CSMD1: variants seen among roughly 807,000 people sequenced by gnomAD.
CSMD1 encodes the protein CUB and Sushi multiple domains 1, also known as CUB and sushi domain-containing protein 1.
A neutral mutation model predicts 417.5 loss-of-function variants in CSMD1; 213 were observed. The observed-to-expected ratio is 0.51, with a 90% CI of 0.46 to 0.57. The LOEUF is 0.57. Ranked by LOEUF, CSMD1 falls within the 20% of genes least tolerant of loss-of-function variation. CSMD1 has a pLI of 0.00. For synonymous variants in CSMD1, 2,862 were observed against 1,736.8 expected (o/e 1.65, Z -16.11); for missense variants, 6,923 against 4,529.7 (o/e 1.53, Z -15.17).
rs765773548 is a variant in CSMD1, at chr8:3,308,493, C to G, written c.3642G>C (p.Leu1214=). The change falls in exon 24 of 70, where the codon CTG becomes CTC. Residue 1214 remains leucine (L), a synonymous_variant. Coordinates refer to ENST00000635120, the MANE Select transcript of CSMD1 (RefSeq NM_033225.6). ...GFQLTYTSFD[L]VKCEDPGIPN... ...GGATGCCCGGATCCTCACATTTTAC[C>G]AGATCAAAACCTGCAAGAGAGAAAG... The G allele has an allele frequency of 1.4e-5, 22 of 1,611,644 alleles. No individual in the cohort carries two copies. The Middle Eastern group carries it at 6.6e-4, about 48-fold the overall frequency.
intron 10 of CSMD1, chr8:3,515,467 C>A (rs1387489602): frequency 6.6e-6 from 1 of 151,652 alleles, no homozygotes; most frequent in East Asian, 1.9e-4. Context: ...GGAATACACA[C>A]AATTATTTCC....
chr8:3,148,075 T>C (rs1010551620), intron 40 of CSMD1, among the ~76,000 whole-genome samples: 1 of 152,170 alleles, frequency 6.6e-6, no homozygotes, highest in African/African-American at 2.4e-5. Flanking sequence ...CATTAGGAAA[T>C]AGGGGACCCT....
At chr8:3,983,287 C>T (rs908293125) in intron 5 of CSMD1, among the ~76,000 whole-genome samples, 3 of 152,092 alleles carry the variant, frequency 2.0e-5, no homozygotes, top group East Asian at 1.9e-4. Flanking sequence ...CCCACCACCA[C>T]GCCCGGCTAA....
At chr8:4,116,579 C>A (rs1319398860) in intron 3 of CSMD1, among the ~76,000 whole-genome samples, 3 of 74,206 alleles carry the variant, frequency 4.0e-5, no homozygotes, top group African/African-American at 1.6e-4. Context: ...AAGCTGTACA[C>A]ATCCGACAGT....
chr8:3,332,788 T>G (rs1248183417), intron 23 of CSMD1, among the ~76,000 whole-genome samples: 2 of 152,234 alleles, frequency 1.3e-5, no homozygotes, highest in African/African-American at 4.8e-5. Flanking sequence ...GGGACCCTGA[T>G]GCCCTCACCT....
At chr8:4,115,426 A>T (rs1258874694) in intron 3 of CSMD1, among the ~76,000 whole-genome samples, 1 of 152,226 alleles carries the variant, frequency 6.6e-6, no homozygotes, top group Non-Finnish European at 1.5e-5. Context: ...TTCATTTTAT[A>T]GTCTAAAACT....
chr8:4,167,146 T>C (rs1245015645), intron 3 of CSMD1, among the ~76,000 whole-genome samples: 1 of 152,348 alleles, frequency 6.6e-6, no homozygotes, highest in East Asian at 1.9e-4. Flanking sequence ...GGTGACATTT[T>C]TTTTTCTACC....
chr8:4,834,566 G>A lies in CSMD1; in HGVS notation c.85+159766C>T, dbSNP rs531163831. On this transcript the variant is annotated intron_variant, in intron 1 of 69. Transcript: ENST00000635120. ...AAAACAACCAATAGAAGGGAAGAAC[G>A]AAGTAATACGAGTTCAAAAAGAATG... 7.2e-5 allele frequency among the ~76,000 whole-genome samples: 11 copies of A among 152,096 alleles called. No individual in the cohort carries two copies. The South Asian group carries it at 1.9e-3, about 26-fold the overall frequency.
intron 3 of CSMD1, among the ~76,000 whole-genome samples, chr8:4,349,431 A>C (rs1294815890): frequency 2.0e-5 from 3 of 152,184 alleles, no homozygotes; most frequent in Non-Finnish European, 4.4e-5. Context: ...ATGATAGAGA[A>C]AAGTCAGATT....
chr8:4,937,244 T>A (rs1462989001), intron 1 of CSMD1, among the ~76,000 whole-genome samples: 1 of 151,716 alleles, frequency 6.6e-6, no homozygotes, highest in African/African-American at 2.4e-5. Flanking sequence ...TTATTTTTTA[T>A]AAATATAAGG....
intron 2 of CSMD1, among the ~76,000 whole-genome samples, chr8:4,459,828 C>T (rs1236807192): frequency 3.3e-5 from 5 of 152,184 alleles, no homozygotes; most frequent in African/African-American, 1.2e-4. Context: ...CTTTGTGTCA[C>T]TGGGCCTAGA....
In CSMD1 at chr8:4,364,801, C is replaced by T. The variant is rs76704273; in HGVS notation, c.415+55152G>A. Among the ~76,000 whole-genome samples the T allele has an allele frequency of 3.1e-4, 4 of 12,852 alleles. 2 individuals carry two copies. In the Admixed American group the frequency reaches 4.0e-3, roughly 13 times the overall value. The allele number at this position is 12,852 out of a possible 152,430, so 8.4% of individuals were successfully genotyped here. A position where few individuals can be genotyped will look rare whatever the true frequency, so the allele number is the denominator to read the frequency against. ...GATCCCGCCACTGCACTCCAGCCTG[C>T]GCGACAGAGCGAGACTCCTTCTCAA... On this transcript the variant is annotated intron_variant, in intron 3 of 69. Transcript: ENST00000635120.
chr8:3,392,826 G>A (rs1811430157), intron 17 of CSMD1, among the ~76,000 whole-genome samples: 1 of 152,026 alleles, frequency 6.6e-6, no homozygotes, highest in South Asian at 2.1e-4. Flanking sequence ...TGGGTTGCGA[G>A]CCTCTGAAAG....
At chr8:4,885,993 A>C (rs55752430) in intron 1 of CSMD1, among the ~76,000 whole-genome samples, 52,746 of 150,110 alleles carry the variant, frequency 0.35, 9,249 homozygotes, top group East Asian at 0.39. Context: ...TTATTTACTT[A>C]TTTATTTACT....
At chr8:4,410,483 G>C (rs113820203) in intron 3 of CSMD1, among the ~76,000 whole-genome samples, 2,303 of 152,242 alleles carry the variant, frequency 0.015, 55 homozygotes, top group African/African-American at 0.051. Flanking sequence ...TAAATAGAAA[G>C]TCATCTGATT....
rs188577038 is a variant in CSMD1, at chr8:4,883,931, A to G, written c.85+110401T>C. ...CAGACTGTTTTCCAAAGAGATTGCAATATTTCACATTTCCACTAGCTGCCT... is the reference window on the plus strand; with the variant it reads ...CAGACTGTTTTCCAAAGAGATTGCAGTATTTCACATTTCCACTAGCTGCCT... On this transcript the variant is annotated intron_variant, in intron 1 of 69. Transcript: ENST00000635120. 7.6e-4 allele frequency among the ~76,000 whole-genome samples: 115 copies of G among 152,156 alleles called. 2 individuals carry two copies. Among genetic ancestry groups the G allele is most frequent in the African/African-American group, 2.6e-3 (108 of 41,458 alleles).
At chr8:3,320,209 G>A (rs1421224911) in intron 23 of CSMD1, among the ~76,000 whole-genome samples, 1 of 152,164 alleles carries the variant, frequency 6.6e-6, no homozygotes, top group Non-Finnish European at 1.5e-5. Flanking sequence ...AAGCAGTGGG[G>A]CCCGTGGCCC....
At chr8:3,062,054 A>C (rs980182005) in intron 49 of CSMD1, among the ~76,000 whole-genome samples, 1 of 152,202 alleles carries the variant, frequency 6.6e-6, no homozygotes, top group Non-Finnish European at 1.5e-5. Flanking sequence ...ACCTATCAAC[A>C]TTCAATCAAT....
chr8:4,002,182 A>C (rs1815734553), intron 4 of CSMD1, among the ~76,000 whole-genome samples: 1 of 152,002 alleles, frequency 6.6e-6, no homozygotes, highest in African/African-American at 2.4e-5. Context: ...AGAATGAGGC[A>C]AAATTAGTGT....
Sources: gnomAD v4.1 joint callset for allele counts (sites outside exome capture counted in the v4.1 genomes callset) on GRCh38, gnomAD v4.1.1 for gene constraint, MANE v1.5 for transcripts, NCBI Gene and HGNC (gene_info 2026-07-23, HGNC 2026-07-21) for gene names.